Variants in ZNF727 observed in about 807,000 individuals in gnomAD.
The protein encoded by ZNF727 is putative zinc finger protein 727.
In ZNF727, 11 loss-of-function variants were observed where a neutral mutation model predicts 11.5. The ratio of observed to expected loss-of-function variants is 0.95; its 90% CI spans 0.60 to 1.58. ZNF727 has a LOEUF of 1.58. Among genes scored for constraint, ZNF727 ranks in the 40% most tolerant of loss-of-function variants. The pLI is 0.00. For missense variants in ZNF727, 533 were observed against 581.7 expected, an observed-to-expected ratio of 0.92 and a Z score of 0.86; for synonymous variants, 171 against 196.1, an observed-to-expected ratio of 0.87 and a Z score of 1.07.
chr7:64,077,420 A>C lies in ZNF727; in HGVS notation c.371A>C (p.Lys124Thr). ...KKDYQRVGNC[K>T]GQKSSYNGIH... Reference sequence around the variant, plus strand: ...GACTACCAACGTGTGGGTAATTGCAAGGGGCAGAAAAGCAGTTATAATGGC... The same window carrying C: ...GACTACCAACGTGTGGGTAATTGCACGGGGCAGAAAAGCAGTTATAATGGC... The change falls in exon 4 of 4, where the codon AAG becomes ACG. Residue 124 changes from lysine (K) to threonine (T), a missense_variant. Coordinates refer to ENST00000456806, the MANE Select transcript of ZNF727 (RefSeq NM_001159522.3). 6.4e-7 allele frequency: 1 copy of C among 1,551,990 alleles called. No individual in the cohort carries two copies. The highest frequency in any genetic ancestry group is 8.7e-7 in the Non-Finnish European group (1 of 1,147,048).
intron 3 of ZNF727, among the ~76,000 whole-genome samples, chr7:64,072,181 T>A (rs910335570): frequency 6.6e-5 from 10 of 152,146 alleles, no homozygotes; most frequent in Admixed American, 6.6e-5. Context: ...ATAGACTGAT[T>A]TCAGCAGGTA....
intron 1 of ZNF727, among the ~76,000 whole-genome samples, chr7:64,059,448 C>T (rs1562792396): frequency 6.6e-6 from 1 of 152,204 alleles, no homozygotes; most frequent in Non-Finnish European, 1.5e-5. Context: ...TAACTTTCAG[C>T]TATGAAGCAC....
intron 1 of ZNF727, among the ~76,000 whole-genome samples, chr7:64,064,232 T>A (rs959270571): frequency 6.6e-6 from 1 of 152,174 alleles, no homozygotes; most frequent in Non-Finnish European, 1.5e-5. Context: ...TGGATTGCAC[T>A]GCACTAGGCC....
At chr7:64,069,797 T>C (rs1484966281) in intron 3 of ZNF727, among the ~76,000 whole-genome samples, 188 bp downstream of exon 3, 1 of 152,124 alleles carries the variant, frequency 6.6e-6, no homozygotes, top group African/African-American at 2.4e-5. Flanking sequence ...TTCTAAGCAC[T>C]GTACATCCCC....
intron 1 of ZNF727, among the ~76,000 whole-genome samples, chr7:64,057,495 C>T (rs1019115866): frequency 6.6e-6 from 1 of 152,136 alleles, no homozygotes; most frequent in South Asian, 2.1e-4. Flanking sequence ...ACTAATAAGT[C>T]GAAGCTGAAT....
rs541947420 is a variant in ZNF727, at chr7:64,063,156, A to G, written c.4-5735A>G. 2.6e-5 allele frequency among the ~76,000 whole-genome samples: 4 copies of G among 152,192 alleles called. No homozygotes were observed. The East Asian group carries it at 7.8e-4, about 30-fold the overall frequency. On this transcript the variant is annotated intron_variant, in intron 1 of 3. Transcript: ENST00000456806. ...TTTATGAGGTTGCGTTTTCCTGAATAGTCTTAATTTTTGTGGATGTTCATT... is the reference window on the plus strand; with the variant it reads ...TTTATGAGGTTGCGTTTTCCTGAATGGTCTTAATTTTTGTGGATGTTCATT...
At chr7:64,077,254 G>A in intron 3 of ZNF727, 22 bp from the exon 4 acceptor site, 2 of 1,435,990 alleles carry the variant, frequency 1.4e-6, no homozygotes, top group Non-Finnish European at 1.8e-6. Flanking sequence ...GAGAAATTTT[G>A]TGGTTCTTTT....
At chr7:64,049,638 G>A (rs1007490206) in intron 1 of ZNF727, among the ~76,000 whole-genome samples, 13 of 151,666 alleles carry the variant, frequency 8.6e-5, no homozygotes, top group African/African-American at 2.9e-4. Context: ...ATTTTAAATG[G>A]AAACATTTTT....
At chr7:64,065,641 G>GGTGAATGTGACTGAAGGTGAATGTGACT (rs1269890074) in intron 1 of ZNF727, among the ~76,000 whole-genome samples, 1 of 152,204 alleles carries the variant, frequency 6.6e-6, no homozygotes, top group African/African-American at 2.4e-5. Context: ...TGTGTCTGAA[G>GGTGAATGTGACTGAAGGTGAATGTGACT]TCAGAGACTG....
chr7:64,060,833 A>G (rs1414849162), intron 1 of ZNF727, among the ~76,000 whole-genome samples: 1 of 151,428 alleles, frequency 6.6e-6, no homozygotes. Context: ...ACTTATTGCT[A>G]TAAACCTTCT....
intron 3 of ZNF727, among the ~76,000 whole-genome samples, chr7:64,075,314 TTAA>T (rs1387916325): frequency 6.6e-6 from 1 of 152,140 alleles, no homozygotes; most frequent in Non-Finnish European, 1.5e-5. Context: ...TAGCTATATA[TTAA>T]TGACATAATA....
At position 64,080,687 on chromosome 7, in the gene ZNF727, GTCAC is replaced by G. The variant is rs1250771015; in HGVS notation, c.*2141_*2144del. Among the ~76,000 whole-genome samples the G allele has an allele frequency of 6.6e-6, 1 of 152,092 alleles. No homozygotes were observed. The highest frequency in any genetic ancestry group is 1.5e-5 in the Non-Finnish European group (1 of 68,034). ...TAATTTGGTCATTTGGATGAAAGAA[GTCAC>G]TCTGGCTTTTTGTGTTTTCAACATT... On this transcript the variant is annotated 3_prime_UTR_variant, in exon 4 of 4. Coordinates refer to ENST00000456806, the MANE Select transcript of ZNF727 (RefSeq NM_001159522.3).
intron 3 of ZNF727, among the ~76,000 whole-genome samples, chr7:64,076,368 T>C (rs1785656666): frequency 6.6e-6 from 1 of 152,194 alleles, no homozygotes; most frequent in African/African-American, 2.4e-5. Flanking sequence ...CCCTGCATTT[T>C]GAGTGGTCCA....
chr7:64,053,851 G>A (rs969145760), intron 1 of ZNF727, among the ~76,000 whole-genome samples: 1 of 152,112 alleles, frequency 6.6e-6, no homozygotes. Flanking sequence ...CGGAGTGGGC[G>A]GGACATGACT....
chr7:64,071,604 T>G (rs538858332), intron 3 of ZNF727, among the ~76,000 whole-genome samples: 11 of 152,156 alleles, frequency 7.2e-5, no homozygotes, highest in African/African-American at 2.6e-4. Flanking sequence ...TTTGATGCAG[T>G]TTAATTTGTT....
At chr7:64,051,396 TCTC>T (rs1789595664) in intron 1 of ZNF727, among the ~76,000 whole-genome samples, 1 of 152,164 alleles carries the variant, frequency 6.6e-6, no homozygotes, top group Admixed American at 6.5e-5. Context: ...TATCTCAGCT[TCTC>T]AGCTTACCAT....
At chr7:64,071,431 CCTTGA>C (rs530967183) in intron 3 of ZNF727, among the ~76,000 whole-genome samples, 82 of 152,008 alleles carry the variant, frequency 5.4e-4, no homozygotes, top group African/African-American at 1.8e-3. Context: ...TTTATTTAGT[CCTTGA>C]CTTATTTTTA....
intron 1 of ZNF727, among the ~76,000 whole-genome samples, chr7:64,051,258 T>A (rs1789593669): frequency 6.6e-6 from 1 of 152,092 alleles, no homozygotes; most frequent in Admixed American, 6.5e-5. Flanking sequence ...ATCCAAGAAA[T>A]CCTGTATGAC....
In ZNF727 at chr7:64,049,396, CTCTT is replaced by C. The variant is rs199816758; in HGVS notation, c.3+3776_3+3779del. Reference sequence around the variant, plus strand: ...TTTAAGAAAAACCACATCCTCTTGTCTCTTTCTAAAATAATTTTTTTCACCAAGA... The same window carrying C: ...TTTAAGAAAAACCACATCCTCTTGTCTCTAAAATAATTTTTTTCACCAAGA... On this transcript the variant is annotated intron_variant, in intron 1 of 3. Coordinates refer to ENST00000456806, the MANE Select transcript of ZNF727 (RefSeq NM_001159522.3). Among the ~76,000 whole-genome samples the C allele has an allele frequency of 8.8e-4, 134 of 152,018 alleles. 3 individuals carry two copies. The East Asian group carries it at 0.023, about 27-fold the overall frequency.
Sources: gnomAD v4.1 joint callset for allele counts (sites outside exome capture counted in the v4.1 genomes callset) on GRCh38, gnomAD v4.1.1 for gene constraint, MANE v1.5 for transcripts, NCBI Gene and HGNC (gene_info 2026-07-23, HGNC 2026-07-21) for gene names.